MTA3: variants seen among roughly 807,000 people sequenced by gnomAD.
MTA3 encodes the protein metastasis-associated protein MTA3.
Under a neutral mutation model 83.5 loss-of-function variants are expected in MTA3, and 34 were observed. The ratio of observed to expected loss-of-function variants is 0.41; its 90% CI spans 0.31 to 0.54. The LOEUF is 0.54. MTA3 is among the 20% of genes least tolerant of loss of function. MTA3 has a pLI of 0.33. For missense variants in MTA3, 761 were observed against 726.4 expected (o/e 1.05, Z -0.55); for synonymous variants, 303 against 252.7 (o/e 1.20, Z -1.89).
At chr2:42,678,579 T>C (rs1002254050) in intron 8 of MTA3, among the ~76,000 whole-genome samples, 1 of 152,170 alleles carries the variant, frequency 6.6e-6, no homozygotes, top group Admixed American at 6.5e-5. Flanking sequence ...TCCGCCTGCA[T>C]TGGCCTCCCA....
intron 4 of MTA3, among the ~76,000 whole-genome samples, chr2:42,630,384 A>G (rs894095946): frequency 6.6e-6 from 1 of 152,264 alleles, no homozygotes; most frequent in Non-Finnish European, 1.5e-5. Flanking sequence ...AACATGAAGT[A>G]TACAATAAAA....
At chr2:42,564,737 A>C (rs1017196154), upstream of MTA3, among the ~76,000 whole-genome samples, 1 of 152,218 alleles carries the variant, frequency 6.6e-6, no homozygotes, top group Non-Finnish European at 1.5e-5. Flanking sequence ...TCCTGGGTTC[A>C]GTATGACAGA....
At chr2:42,501,873 G>C (rs1052857223) in intron 2 of MTA3, among the ~76,000 whole-genome samples, 1 of 152,174 alleles carries the variant, frequency 6.6e-6, no homozygotes, top group Admixed American at 6.5e-5. Context: ...AGCTGCTGGG[G>C]AGGCTAAGGC....
chr2:42,614,768 A>G (rs1471525067), intron 4 of MTA3, among the ~76,000 whole-genome samples: 2 of 152,102 alleles, frequency 1.3e-5, no homozygotes, highest in African/African-American at 2.4e-5. Context: ...TGAACCTTGT[A>G]GTTAAAGACC....
chr2:42,496,206 A>G (rs1674123521), intron 2 of MTA3, among the ~76,000 whole-genome samples: 1 of 152,222 alleles, frequency 6.6e-6, no homozygotes, highest in Admixed American at 6.5e-5. Context: ...TAATTTGATG[A>G]CAATACAATG....
chr2:42,750,697 G>T (rs1487309217), intron 16 of MTA3, among the ~76,000 whole-genome samples: 1 of 152,222 alleles, frequency 6.6e-6, no homozygotes, highest in Non-Finnish European at 1.5e-5. Context: ...TCACCATTCA[G>T]TAGACATAGG....
At chr2:42,502,581 C>T (rs893111008) in intron 2 of MTA3, among the ~76,000 whole-genome samples, 5 of 152,054 alleles carry the variant, frequency 3.3e-5, no homozygotes, top group African/African-American at 1.2e-4. Context: ...GCTGAATCAC[C>T]TGAGGTCAGG....
At chr2:42,641,524 A>G (rs1371572966) in intron 5 of MTA3, among the ~76,000 whole-genome samples, 1 of 152,196 alleles carries the variant, frequency 6.6e-6, no homozygotes, top group Non-Finnish European at 1.5e-5. Flanking sequence ...AGAAAAAGGC[A>G]AAACATTCCA....
At chr2:42,599,089 G>T (rs1029245124) in intron 3 of MTA3, among the ~76,000 whole-genome samples, 25 of 152,132 alleles carry the variant, frequency 1.6e-4, no homozygotes, top group Non-Finnish European at 1.5e-4. Context: ...CAGGGCTCAG[G>T]ACGGTGGCTA....
chr2:42,628,495 A>G (rs1686347225), intron 4 of MTA3, among the ~76,000 whole-genome samples: 1 of 152,154 alleles, frequency 6.6e-6, no homozygotes, highest in Admixed American at 6.6e-5. Context: ...CAGCCTCCCA[A>G]AGTGGTGGGA....
intron 1 of MTA3, 86 bp downstream of exon 1, chr2:42,568,859 G>A (rs1678120897): frequency 8.4e-7 from 1 of 1,183,950 alleles, no homozygotes; most frequent in Non-Finnish European, 1.1e-6. Context: ...ACTGCCGGGA[G>A]CCAAGGGCGC....
intron 9 of MTA3, among the ~76,000 whole-genome samples, chr2:42,691,367 T>C (rs1285679178): frequency 6.6e-6 from 1 of 150,566 alleles, no homozygotes; most frequent in African/African-American, 2.4e-5. Context: ...TAGAACATCG[T>C]ACACACACAC....
chr2:42,616,253 G>A (rs1684872678), intron 4 of MTA3, among the ~76,000 whole-genome samples: 1 of 152,152 alleles, frequency 6.6e-6, no homozygotes, highest in Admixed American at 6.5e-5. Context: ...AGTTGAGACG[G>A]GGTTTCACCA....
chr2:42,683,652 T>A (rs1170953161), intron 9 of MTA3, among the ~76,000 whole-genome samples: 1 of 152,134 alleles, frequency 6.6e-6, no homozygotes, highest in African/African-American at 2.4e-5. Flanking sequence ...TAGTGATAGA[T>A]CATTAGGCAT....
At position 42,682,458 on chromosome 2, in the gene MTA3, G is replaced by A. The variant is rs374072966; in HGVS notation, c.760G>A (p.Val254Ile). Residue 254 changes from valine to isoleucine, a missense_variant, in exon 9 of 17, where the codon GTC becomes ATC. Coordinates refer to ENST00000405094, the MANE Select transcript of MTA3 (RefSeq NM_001330442.2). ...HSYDLSSAISVLVPLGGPVLC... is the reference protein window; with the variant it reads ...HSYDLSSAISILVPLGGPVLC... ...CTATGATTTGAGCAGTGCCATTAGT[G>A]TCTTAGTACCACTCGGAGGACCTGT... 3.1e-6 allele frequency: 5 copies of A among 1,612,158 alleles called. No homozygotes were observed. Among genetic ancestry groups the A allele is most frequent in the Non-Finnish European group, 4.2e-6 (5 of 1,179,136 alleles).
intron 2 of MTA3, among the ~76,000 whole-genome samples, chr2:42,545,238 T>C (rs1477333251): frequency 1.3e-5 from 2 of 151,908 alleles, no homozygotes; most frequent in African/African-American, 2.4e-5. Context: ...ATTAGCTGGG[T>C]ATGGTGGCAC....
At chr2:42,679,977 T>A (rs1348774349) in intron 8 of MTA3, 1 of 152,216 alleles carries the variant, frequency 6.6e-6, no homozygotes, top group Non-Finnish European at 1.5e-5. Context: ...TTCTGTAGCA[T>A]CTATCTAGAA....
At chr2:42,563,887 G>A (rs780632673), upstream of MTA3, among the ~76,000 whole-genome samples, 17 of 144,320 alleles carry the variant, frequency 1.2e-4, no homozygotes, top group South Asian at 2.2e-4. Context: ...GCAATGGCGC[G>A]ATCTCGGCTC....
At chr2:42,494,282 C>T (rs1469067308), upstream of MTA3, among the ~76,000 whole-genome samples, 1 of 152,156 alleles carries the variant, frequency 6.6e-6, no homozygotes, top group African/African-American at 2.4e-5. Flanking sequence ...ATGCCTGCTC[C>T]CGCGTCCTGC....
Sources: allele counts gnomAD v4.1 joint callset (sites outside exome capture counted in the v4.1 genomes callset), GRCh38; gene constraint gnomAD v4.1.1; transcripts MANE v1.5; gene names NCBI Gene and HGNC (gene_info 2026-07-23, HGNC 2026-07-21).